The following FBXW7 variants were observed in gnomAD, a reference collection of about 807,000 sequenced individuals.
FBXW7 encodes F-box/WD repeat-containing protein 7.
A neutral mutation model predicts 86.3 loss-of-function variants in FBXW7; 11 were observed. The observed-to-expected ratio is 0.13, with a 90% CI of 0.08 to 0.21. The LOEUF is 0.21. FBXW7 is among the 10% of genes least tolerant of loss of function. FBXW7 has a pLI of 1.00. For missense variants in FBXW7, 488 were observed against 847.4 expected, an observed-to-expected ratio of 0.58 and a Z score of 5.27; for synonymous variants, 313 against 297.9, an observed-to-expected ratio of 1.05 and a Z score of -0.52.
chr4:152,531,029 A>C (rs781441066), intron 2 of FBXW7, among the ~76,000 whole-genome samples: 5 of 152,214 alleles, frequency 3.3e-5, no homozygotes, highest in Non-Finnish European at 5.9e-5. Context: ...GAGCCTATGC[A>C]TGGCCTTTGG....
At chr4:152,463,626 C>T (rs1484117700) in intron 2 of FBXW7, among the ~76,000 whole-genome samples, 1 of 152,096 alleles carries the variant, frequency 6.6e-6, no homozygotes, top group South Asian at 2.1e-4. Context: ...TTACTTAGTT[C>T]CAACCATATA....
intron 5 of FBXW7, among the ~76,000 whole-genome samples, chr4:152,348,447 C>A (rs1731482592): frequency 6.6e-6 from 1 of 151,924 alleles, no homozygotes; most frequent in Non-Finnish European, 1.5e-5. Flanking sequence ...ACCTTCCTAA[C>A]CGAGAGTCTC....
At chr4:152,361,011 T>C (rs1218255651) in intron 4 of FBXW7, among the ~76,000 whole-genome samples, 5 of 152,012 alleles carry the variant, frequency 3.3e-5, no homozygotes, top group Admixed American at 3.3e-4. Flanking sequence ...TGAACCAATC[T>C]TTTAAAACTC....
chr4:152,444,268 A>C (rs1308956294), intron 2 of FBXW7, among the ~76,000 whole-genome samples: 2 of 151,822 alleles, frequency 1.3e-5, no homozygotes, highest in African/African-American at 4.9e-5. Context: ...CCTATGTCTT[A>C]CAAAATCTTC....
At chr4:152,351,289 T>A (rs1403739072) in intron 4 of FBXW7, among the ~76,000 whole-genome samples, 2 of 152,092 alleles carry the variant, frequency 1.3e-5, no homozygotes, top group East Asian at 1.9e-4. Context: ...GACCATGTTT[T>A]TGTCATCACG....
At chr4:152,473,996 C>CA (rs963233993) in intron 2 of FBXW7, among the ~76,000 whole-genome samples, 4 of 151,244 alleles carry the variant, frequency 2.6e-5, no homozygotes, top group African/African-American at 4.9e-5. Flanking sequence ...CATATCTCAG[C>CA]AAAAAAAAGA....
intron 13 of FBXW7, 33 bp from the exon 14 acceptor site, chr4:152,323,182 T>G: frequency 6.2e-7 from 1 of 1,600,494 alleles, no homozygotes; most frequent in South Asian, 1.1e-5. Context: ...TAATTACTGG[T>G]TAGAAATAAT....
intron 4 of FBXW7, among the ~76,000 whole-genome samples, chr4:152,390,945 T>C (rs1320089926): frequency 2.0e-5 from 3 of 152,026 alleles, no homozygotes; most frequent in African/African-American, 7.2e-5. Flanking sequence ...ATTTATCTTA[T>C]GAAAAATAAA....
chr4:152,357,047 T>C lies in FBXW7; in HGVS notation c.502-6923A>G, dbSNP rs552437630. 2.6e-5 allele frequency among the ~76,000 whole-genome samples: 4 copies of C among 152,260 alleles called. No homozygotes were observed. In the South Asian group the frequency reaches 8.3e-4, roughly 32 times the overall value. On this transcript the variant is annotated intron_variant, in intron 4 of 13. Transcript: ENST00000281708. ...TCATACTGAAATTAGTTCTAAAAAA[T>C]TTTTGAGAACATGTAAAATAAAACA... is the stretch of plus-strand genomic sequence containing the variant.
chr4:152,380,496 ATATT>A (rs1354971602), intron 4 of FBXW7, among the ~76,000 whole-genome samples: 2 of 151,714 alleles, frequency 1.3e-5, no homozygotes, highest in African/African-American at 2.4e-5. Flanking sequence ...TTCATTTTTA[ATATT>A]TAGTTTTATT....
intron 4 of FBXW7, among the ~76,000 whole-genome samples, chr4:152,398,055 C>T (rs1405898301): frequency 6.6e-6 from 1 of 151,756 alleles, no homozygotes; most frequent in African/African-American, 2.4e-5. Context: ...TAGCAAAATG[C>T]TAGCTGCTTG....
chr4:152,531,865 C>T (rs1343496301), intron 2 of FBXW7, among the ~76,000 whole-genome samples: 3 of 150,804 alleles, frequency 2.0e-5, no homozygotes, highest in Non-Finnish European at 3.0e-5. Context: ...CCTATATACC[C>T]TATTTAAAAA....
chr4:152,472,532 A>G, intron 2 of FBXW7, among the ~76,000 whole-genome samples: 1 of 152,228 alleles, frequency 6.6e-6, no homozygotes. Flanking sequence ...CCAGTTTGAA[A>G]AAACTTATAA....
intron 2 of FBXW7, among the ~76,000 whole-genome samples, chr4:152,460,732 G>GT (rs948457162): frequency 8.5e-5 from 13 of 152,112 alleles, no homozygotes; most frequent in Admixed American, 3.3e-4. Flanking sequence ...GCTAACATCT[G>GT]TTTTTTTGTG....
At chr4:152,505,799 T>A (rs1004772206) in intron 2 of FBXW7, among the ~76,000 whole-genome samples, 1 of 151,058 alleles carries the variant, frequency 6.6e-6, no homozygotes, top group Non-Finnish European at 1.5e-5. Context: ...TGGAGTGTGG[T>A]GGCGCTATAC....
chr4:152,361,132 G>A (rs974263939), intron 4 of FBXW7, among the ~76,000 whole-genome samples: 1 of 151,950 alleles, frequency 6.6e-6, no homozygotes, highest in Non-Finnish European at 1.5e-5. Context: ...AAATAACACT[G>A]GATTCTTGCT....
chr4:152,352,516 G>A (rs1731913316), intron 4 of FBXW7: 1 of 1,613,772 alleles, frequency 6.2e-7, no homozygotes. Flanking sequence ...CATATTTTCT[G>A]TATTTTTCCC....
intron 4 of FBXW7, among the ~76,000 whole-genome samples, chr4:152,393,386 T>C (rs186527117): frequency 4.7e-4 from 72 of 152,104 alleles, no homozygotes; most frequent in African/African-American, 1.5e-3. Flanking sequence ...AGATTAGTGA[T>C]AATCTAACTG....
At chr4:152,423,280 T>C (rs184934437) in intron 2 of FBXW7, among the ~76,000 whole-genome samples, 1 of 152,346 alleles carries the variant, frequency 6.6e-6, no homozygotes, top group Admixed American at 6.5e-5. Flanking sequence ...ATGCTTCCCT[T>C]ATTTGCTATT....
Sources: allele counts gnomAD v4.1 joint callset (sites outside exome capture counted in the v4.1 genomes callset), GRCh38; gene constraint gnomAD v4.1.1; transcripts MANE v1.5; gene names NCBI Gene and HGNC (gene_info 2026-07-23, HGNC 2026-07-21).